Variants in SCAMP1 observed in about 807,000 individuals in gnomAD.
SCAMP1 encodes secretory carrier membrane protein 1, also known as secretory carrier-associated membrane protein 1.
Under a neutral mutation model 41.8 loss-of-function variants are expected in SCAMP1, and 15 were observed. The ratio of observed to expected loss-of-function variants is 0.36; its 90% CI spans 0.24 to 0.55. The LOEUF is 0.55. Among genes scored for constraint, SCAMP1 ranks in the 20% least tolerant of loss-of-function variants. SCAMP1 has a pLI of 0.86. For missense variants in SCAMP1, 341 were observed against 412.6 expected (o/e 0.83, Z 1.50); for synonymous variants, 135 against 136.8 (o/e 0.99, Z 0.09).
At chr5:78,414,629 A>G (rs1752164642) in intron 2 of SCAMP1, among the ~76,000 whole-genome samples, 1 of 152,126 alleles carries the variant, frequency 6.6e-6, no homozygotes, top group African/African-American at 2.4e-5. Context: ...TTCTATCGCT[A>G]ATTTATTCTC....
At chr5:78,429,551 G>A (rs1752551623) in intron 6 of SCAMP1, among the ~76,000 whole-genome samples, 1 of 151,880 alleles carries the variant, frequency 6.6e-6, no homozygotes, top group South Asian at 2.1e-4. Context: ...TTCCTTCTGG[G>A]AGTTGCAATG....
At chr5:78,363,049 C>T (rs1459736931) in intron 1 of SCAMP1, among the ~76,000 whole-genome samples, 6 of 148,344 alleles carry the variant, frequency 4.0e-5, no homozygotes, top group Admixed American at 1.3e-4. Flanking sequence ...CCCGCCACCA[C>T]ACCCGGCTAA....
chr5:78,424,616 A>G (rs1425916063), intron 6 of SCAMP1, among the ~76,000 whole-genome samples: 1 of 152,168 alleles, frequency 6.6e-6, no homozygotes, highest in Non-Finnish European at 1.5e-5. Context: ...CTGTAATCCC[A>G]GCTCGAGGCA....
intron 3 of SCAMP1, 80 bp downstream of exon 3, chr5:78,415,698 T>G: frequency 1.2e-6 from 1 of 857,320 alleles, no homozygotes; most frequent in Non-Finnish European, 1.8e-6. Flanking sequence ...AAATAAATCT[T>G]TATATGGTTA....
chr5:78,461,923 G>C (rs1371481020), intron 8 of SCAMP1, among the ~76,000 whole-genome samples: 2 of 152,210 alleles, frequency 1.3e-5, no homozygotes, highest in East Asian at 3.9e-4. Context: ...GATTGCTTTA[G>C]CTATTCAGAC....
intron 8 of SCAMP1, among the ~76,000 whole-genome samples, chr5:78,464,367 C>T (rs2112241759): frequency 6.6e-6 from 1 of 152,212 alleles, no homozygotes; most frequent in Non-Finnish European, 1.5e-5. Context: ...TGCTCTTGAT[C>T]TCCTGACCTC....
intron 7 of SCAMP1, among the ~76,000 whole-genome samples, chr5:78,454,473 G>A (rs1301675041): frequency 2.0e-5 from 3 of 151,164 alleles, no homozygotes; most frequent in African/African-American, 7.3e-5. Context: ...CTGTTTATAT[G>A]CTGGATTACA....
chr5:78,374,950 T>A (rs1436278968), intron 1 of SCAMP1, among the ~76,000 whole-genome samples: 1 of 152,238 alleles, frequency 6.6e-6, no homozygotes, highest in South Asian at 2.1e-4. Flanking sequence ...TAGAGTCTTG[T>A]TGAGAGATTT....
At position 78,479,481 on chromosome 5, in the gene SCAMP1, T is replaced by C. The variant is rs893769100; in HGVS notation, c.*3813T>C. Among the ~76,000 whole-genome samples the C allele has an allele frequency of 6.6e-6, 1 of 152,218 alleles. No individual in the cohort carries two copies. The highest frequency in any genetic ancestry group is 2.4e-5 in the African/African-American group (1 of 41,466). On this transcript the variant is annotated 3_prime_UTR_variant, in exon 9 of 9. Coordinates refer to ENST00000621999, the MANE Select transcript of SCAMP1 (RefSeq NM_004866.6). ...AAAGTGAAGTATTTTGGCTAGAATTTTAGGGCATATTTTATAAAGCAGCAT... is the reference window on the plus strand; with the variant it reads ...AAAGTGAAGTATTTTGGCTAGAATTCTAGGGCATATTTTATAAAGCAGCAT...
chr5:78,418,209 G>T (rs866828982), intron 4 of SCAMP1, among the ~76,000 whole-genome samples: 2 of 151,958 alleles, frequency 1.3e-5, no homozygotes, highest in South Asian at 2.1e-4. Context: ...TTTCGTACAT[G>T]TATCTTTTGG....
At chr5:78,429,564 G>C (rs1241154368) in intron 6 of SCAMP1, among the ~76,000 whole-genome samples, 1 of 151,860 alleles carries the variant, frequency 6.6e-6, no homozygotes, top group East Asian at 1.9e-4. Flanking sequence ...TTGCAATGAG[G>C]GTGCTGATTT....
At chr5:78,390,964 TG>T (rs1386893420) in intron 2 of SCAMP1, among the ~76,000 whole-genome samples, 2 of 149,806 alleles carry the variant, frequency 1.3e-5, no homozygotes, top group South Asian at 4.3e-4. Flanking sequence ...AGCACAGGGT[TG>T]GGGGTAAGGT....
intron 1 of SCAMP1, among the ~76,000 whole-genome samples, chr5:78,363,501 G>A (rs1355287757): frequency 1.3e-5 from 2 of 152,216 alleles, no homozygotes; most frequent in Non-Finnish European, 2.9e-5. Context: ...GAACCACTGG[G>A]CCCGACCCAT....
At chr5:78,367,658 G>A (rs1287305043) in intron 1 of SCAMP1, among the ~76,000 whole-genome samples, 2 of 152,168 alleles carry the variant, frequency 1.3e-5, no homozygotes, top group Non-Finnish European at 2.9e-5. Context: ...GCAAGCAATA[G>A]GCTCCACTTC....
In SCAMP1 at chr5:78,480,453, A is replaced by T. The variant is rs1754115254; in HGVS notation, c.*4785A>T. ...ACTTTTAATATTTTGTATGCCAGTG[A>T]TTCTCAAGATAAATCATGATTGTAG... is the stretch of plus-strand genomic sequence containing the variant. On this transcript the variant is annotated 3_prime_UTR_variant, in exon 9 of 9. Coordinates refer to ENST00000621999, the MANE Select transcript of SCAMP1 (RefSeq NM_004866.6). Among the ~76,000 whole-genome samples the T allele has an allele frequency of 6.6e-6, 1 of 152,210 alleles. No individual in the cohort carries two copies. The highest frequency in any genetic ancestry group is 1.5e-5 in the Non-Finnish European group (1 of 68,040).
At chr5:78,393,259 C>T (rs1269531306) in intron 2 of SCAMP1, among the ~76,000 whole-genome samples, 1 of 152,074 alleles carries the variant, frequency 6.6e-6, no homozygotes, top group East Asian at 1.9e-4. Context: ...TCATTGCAGC[C>T]CCAAACTCCT....
At chr5:78,373,070 G>A (rs1376411545) in intron 1 of SCAMP1, among the ~76,000 whole-genome samples, 1 of 152,106 alleles carries the variant, frequency 6.6e-6, no homozygotes, top group Non-Finnish European at 1.5e-5. Context: ...ACCTTAAGCA[G>A]TGTGGTTCCA....
rs1308370289 is a variant in SCAMP1, at chr5:78,416,528, A to G, written c.235-13A>G. 2.6e-6 allele frequency: 4 copies of G among 1,560,924 alleles called. No individual in the cohort carries two copies. Among genetic ancestry groups the G allele is most frequent in the East Asian group, 4.7e-5 (2 of 42,690 alleles). On this transcript the variant is annotated splice_polypyrimidine_tract_variant and intron_variant, in intron 3 of 8. Transcript: ENST00000621999. Reference sequence around the variant, plus strand: ...TCTGACAGTCTATTCACATATTGATATTTTTTATTTAGGAACATGCATTGG... The same window carrying G: ...TCTGACAGTCTATTCACATATTGATGTTTTTTATTTAGGAACATGCATTGG...
intron 7 of SCAMP1, among the ~76,000 whole-genome samples, chr5:78,458,149 G>T (rs979783646): frequency 1.3e-5 from 2 of 152,108 alleles, no homozygotes; most frequent in Admixed American, 6.5e-5. Flanking sequence ...CGTCTTCTGC[G>T]TCGCTCTCGC....
Sources: allele counts gnomAD v4.1 joint callset (sites outside exome capture counted in the v4.1 genomes callset), GRCh38; gene constraint gnomAD v4.1.1; transcripts MANE v1.5; gene names NCBI Gene and HGNC (gene_info 2026-07-23, HGNC 2026-07-21).